PKP4: variants seen among roughly 807,000 people sequenced by gnomAD.
PKP4 encodes the protein plakophilin 4.
A neutral mutation model predicts 145.1 loss-of-function variants in PKP4; 90 were observed. The observed-to-expected ratio is 0.62, with a 90% confidence interval of 0.52 to 0.74. The LOEUF is 0.74. Among genes scored for constraint, PKP4 ranks in the 30% least tolerant of loss-of-function variants. PKP4 has a pLI of 0.00. For missense variants in PKP4, 1,340 were observed against 1,482.7 expected (o/e 0.90, Z 1.58); for synonymous variants, 563 against 577.2 (o/e 0.98, Z 0.35).
In PKP4 at chr2:158,644,579, A is replaced by T. The variant is rs566800996; in HGVS notation, c.1909+1880A>T. On this transcript the variant is annotated intron_variant, in intron 11 of 21. Coordinates refer to ENST00000389759, the MANE Select transcript of PKP4 (RefSeq NM_003628.6). ...AGTTAAAATAAGCACAGTAGAATAC[A>T]CATAACAGATACATGCAGCTTTAGA... Among the ~76,000 whole-genome samples, 5 of 25,422 alleles carry T rather than the reference A, an allele frequency of 2.0e-4. 1 individual carries two copies. The South Asian group carries it at 9.4e-3, about 48-fold the overall frequency. 16.7% of individuals were successfully genotyped at this position (25,422 alleles called of 152,430 possible). A position where few individuals can be genotyped will look rare whatever the true frequency, so the allele number is the denominator to read the frequency against.
chr2:158,601,516 T>TG (rs1298627151), intron 3 of PKP4, among the ~76,000 whole-genome samples: 1 of 152,204 alleles, frequency 6.6e-6, no homozygotes, highest in Non-Finnish European at 1.5e-5. Flanking sequence ...AAGACAGTGA[T>TG]GGCCTACCCT....
chr2:158,471,494 CA>C (rs1691566525), intron 1 of PKP4, among the ~76,000 whole-genome samples: 1 of 152,044 alleles, frequency 6.6e-6, no homozygotes, highest in East Asian at 1.9e-4. Context: ...TGCTCATTGT[CA>C]AAAAAAGCCT....
intron 1 of PKP4, among the ~76,000 whole-genome samples, chr2:158,498,864 T>G (rs1297488269): frequency 1.3e-5 from 2 of 151,300 alleles, no homozygotes; most frequent in Non-Finnish European, 1.5e-5. Context: ...TGGTGATCAT[T>G]CAATTCTGCC....
intron 1 of PKP4, among the ~76,000 whole-genome samples, chr2:158,472,612 CAAAAAAA>C (rs67665979): frequency 4.5e-4 from 29 of 65,164 alleles, no homozygotes; most frequent in African/African-American, 1.7e-3. Context: ...GGCTCCATCT[CAAAAAAA>C]AAAAAAAAAA....
intron 3 of PKP4, among the ~76,000 whole-genome samples, chr2:158,593,538 A>G (rs574506222): frequency 1.3e-5 from 2 of 152,216 alleles, no homozygotes; most frequent in South Asian, 2.1e-4. Flanking sequence ...TCTTTTATTC[A>G]TAGATTCAAG....
rs2053398133 is a variant in PKP4 at position 158,631,896 on chromosome 2, G to A, written c.1297G>A (p.Val433Met). ...PVYRSPNHGT[V>M]ELQGSQTALY... ...GTACCGCAGCCCAAACCATGGAACT[G>A]TGGAGCTCCAAGGATCGCAGACGGC... The change falls in exon 8 of 22, where the codon GTG (valine) becomes ATG (methionine). Residue 433 changes from valine to methionine, a missense_variant. Transcript: ENST00000389759. 1.2e-6 allele frequency: 2 copies of A among 1,614,138 alleles called. No homozygotes were observed. The highest frequency in any genetic ancestry group is 1.7e-6 in the Non-Finnish European group (2 of 1,180,004).
chr2:158,530,379 A>G (rs939229177), intron 1 of PKP4, among the ~76,000 whole-genome samples: 1 of 152,116 alleles, frequency 6.6e-6, no homozygotes, highest in Non-Finnish European at 1.5e-5. Context: ...TGGTTCAGCA[A>G]CCTATCTGTA....
intron 1 of PKP4, among the ~76,000 whole-genome samples, chr2:158,477,525 AT>A (rs754302774): frequency 1.3e-5 from 2 of 152,190 alleles, no homozygotes; most frequent in Non-Finnish European, 2.9e-5. Flanking sequence ...TGAGTTAGTA[AT>A]TATGGCCTGA....
intron 2 of PKP4, among the ~76,000 whole-genome samples, chr2:158,542,627 T>G (rs1458513413): frequency 6.6e-6 from 1 of 152,174 alleles, no homozygotes; most frequent in Non-Finnish European, 1.5e-5. Context: ...TGGAGAGTGC[T>G]CTTCTTACTT....
chr2:158,496,063 C>T (rs1019016843), intron 1 of PKP4, among the ~76,000 whole-genome samples: 1 of 151,964 alleles, frequency 6.6e-6, no homozygotes, highest in Non-Finnish European at 1.5e-5. Flanking sequence ...TGACTGCAAG[C>T]TCCACCTCCT....
intron 1 of PKP4, among the ~76,000 whole-genome samples, chr2:158,504,117 T>A (rs1253422831): frequency 6.6e-6 from 1 of 152,196 alleles, no homozygotes; most frequent in Admixed American, 6.5e-5. Flanking sequence ...TTTCTTACTT[T>A]GATTTAAATG....
intron 2 of PKP4, among the ~76,000 whole-genome samples, chr2:158,560,655 A>C (rs968467319): frequency 6.6e-6 from 1 of 152,166 alleles, no homozygotes. Flanking sequence ...CCTCTTAGGA[A>C]AGAACGTGGT....
chr2:158,526,161 G>T (rs1275780839), intron 1 of PKP4, among the ~76,000 whole-genome samples: 2 of 139,068 alleles, frequency 1.4e-5, no homozygotes, highest in African/African-American at 2.7e-5. Context: ...TGATACCAAA[G>T]CCGGGCAGAG....
chr2:158,638,388 GAAGC>G (rs2053991787), intron 9 of PKP4, among the ~76,000 whole-genome samples: 2 of 152,216 alleles, frequency 1.3e-5, no homozygotes. Flanking sequence ...TGAGGAAACT[GAAGC>G]TCCAAATAAT....
chr2:158,575,686 C>T (rs1170683324), intron 2 of PKP4, among the ~76,000 whole-genome samples: 8 of 152,012 alleles, frequency 5.3e-5, no homozygotes, highest in African/African-American at 2.4e-5. Context: ...TTTGGGATTC[C>T]TGAGTAGTCT....
intron 15 of PKP4, among the ~76,000 whole-genome samples, chr2:158,665,188 C>CGGGCT (rs1046864146): frequency 2.0e-4 from 31 of 151,978 alleles, no homozygotes; most frequent in Non-Finnish European, 3.5e-4. Flanking sequence ...AGAAGGGAGA[C>CGGGCT]GGGCTGGGCT....
intron 2 of PKP4, among the ~76,000 whole-genome samples, chr2:158,554,917 C>T (rs2045963006): frequency 6.6e-6 from 1 of 152,090 alleles, no homozygotes; most frequent in Non-Finnish European, 1.5e-5. Flanking sequence ...AGCAGGGGTC[C>T]ACTACATAAT....
At chr2:158,575,802 C>T (rs3755410) in intron 2 of PKP4, among the ~76,000 whole-genome samples, 76 of 141,980 alleles carry the variant, frequency 5.4e-4, no homozygotes, top group African/African-American at 1.8e-3. Context: ...ACAAAAAAAA[C>T]AAAATGATGC....
chr2:158,586,737 A>T (rs1308281563), intron 3 of PKP4, among the ~76,000 whole-genome samples: 1 of 152,234 alleles, frequency 6.6e-6, no homozygotes, highest in African/African-American at 2.4e-5. Context: ...TTGTTTATCT[A>T]GAGCAGTTTG....
Sources: gnomAD v4.1 joint callset for allele counts (sites outside exome capture counted in the v4.1 genomes callset) on GRCh38, gnomAD v4.1.1 for gene constraint, MANE v1.5 for transcripts, NCBI Gene and HGNC (gene_info 2026-07-23, HGNC 2026-07-21) for gene names.